The following PIBF1 variants were observed in gnomAD, a reference collection of about 807,000 sequenced individuals.
PIBF1 encodes the protein progesterone immunomodulatory binding factor 1.
In PIBF1, 90 loss-of-function variants were observed where a neutral mutation model predicts 112.5. The ratio of observed to expected loss-of-function variants is 0.80; its 90% confidence interval spans 0.67 to 0.95. PIBF1 has a LOEUF of 0.95. Ranked by LOEUF, PIBF1 falls within the 40% of genes least tolerant of loss-of-function variation. The pLI is 0.00. For synonymous variants in PIBF1, 301 were observed against 288.6 expected, an observed-to-expected ratio of 1.04 and a Z score of -0.44; for missense variants, 915 against 852.3, an observed-to-expected ratio of 1.07 and a Z score of -0.92.
rs538725499 is a variant in PIBF1 at position 72,948,791 on chromosome 13, G to A, written c.1834-16483G>A. 3.3e-5 allele frequency among the ~76,000 whole-genome samples: 5 copies of A among 152,302 alleles called. No individual in the cohort carries two copies. The South Asian group carries it at 1.0e-3, about 32-fold the overall frequency. On this transcript the variant is annotated intron_variant, in intron 14 of 17. Coordinates refer to ENST00000326291, the MANE Select transcript of PIBF1 (RefSeq NM_006346.4). ...GTCTTTCTTCACATGGCGGCAGCAA[G>A]GAGAAGTGCAGAACAAAGGGGGGAA... is the stretch of plus-strand genomic sequence containing the variant.
At chr13:72,825,610 G>C (rs1423375122) in intron 6 of PIBF1, among the ~76,000 whole-genome samples, 1 of 152,166 alleles carries the variant, frequency 6.6e-6, no homozygotes, top group African/African-American at 2.4e-5. Context: ...TTCAGGTTGT[G>C]GGGGTGGGTC....
intron 10 of PIBF1, among the ~76,000 whole-genome samples, chr13:72,886,713 T>A (rs951100347): frequency 6.6e-6 from 1 of 152,042 alleles, no homozygotes; most frequent in Non-Finnish European, 1.5e-5. Context: ...TATAAATCCA[T>A]GGTACAGTTG....
chr13:72,810,829 T>C (rs1277676748), intron 5 of PIBF1, among the ~76,000 whole-genome samples: 1 of 152,158 alleles, frequency 6.6e-6, no homozygotes, highest in African/African-American at 2.4e-5. Flanking sequence ...GGGTTCTATT[T>C]TGGTCTGAGG....
chr13:72,802,032 T>G (rs2035506441), intron 5 of PIBF1, among the ~76,000 whole-genome samples: 2 of 152,210 alleles, frequency 1.3e-5, no homozygotes, highest in South Asian at 4.1e-4. Flanking sequence ...GCTTTTATTG[T>G]AAGAATACAG....
chr13:72,796,260 T>C (rs1446137894), intron 4 of PIBF1, among the ~76,000 whole-genome samples: 1 of 152,078 alleles, frequency 6.6e-6, no homozygotes, highest in Non-Finnish European at 1.5e-5. Flanking sequence ...AAAAAAAATC[T>C]TAATAATTAC....
chr13:72,961,150 C>G (rs2042594478), intron 14 of PIBF1, among the ~76,000 whole-genome samples: 1 of 150,874 alleles, frequency 6.6e-6, no homozygotes, highest in Admixed American at 6.6e-5. Flanking sequence ...GAATAGTTCT[C>G]TATGTGCAAG....
intron 11 of PIBF1, among the ~76,000 whole-genome samples, chr13:72,897,763 T>C (rs1210286950): frequency 1.3e-5 from 2 of 152,114 alleles, no homozygotes; most frequent in African/African-American, 2.4e-5. Context: ...CAGGAAAATA[T>C]CACAATGGAC....
chr13:72,841,777 A>C lies in PIBF1; in HGVS notation c.1223+6409A>C, dbSNP rs550908205. ...ATGGAGTGAGACCCTGTCTCAAAAA[A>C]TAATAATAACTAACTAATAATACTT... On this transcript the variant is annotated intron_variant, in intron 9 of 17. Coordinates refer to ENST00000326291, the MANE Select transcript of PIBF1 (RefSeq NM_006346.4). Among the ~76,000 whole-genome samples the C allele has an allele frequency of 3.3e-5, 5 of 152,274 alleles. No individual in the cohort carries two copies. The South Asian group carries it at 1.0e-3, about 32-fold the overall frequency.
intron 15 of PIBF1, among the ~76,000 whole-genome samples, chr13:72,967,555 C>T (rs1036579293): frequency 5.3e-5 from 8 of 152,016 alleles, no homozygotes; most frequent in African/African-American, 1.4e-4. Flanking sequence ...ATTCTCCTAA[C>T]CATTAGGTTA....
intron 12 of PIBF1, among the ~76,000 whole-genome samples, chr13:72,913,723 C>G (rs1317488608): frequency 6.6e-6 from 1 of 151,500 alleles, no homozygotes; most frequent in Non-Finnish European, 1.5e-5. Context: ...GTTCACGCCA[C>G]TGCACTCCAG....
intron 2 of PIBF1, among the ~76,000 whole-genome samples, chr13:72,787,969 G>T (rs2034692348): frequency 6.6e-6 from 1 of 152,138 alleles, no homozygotes; most frequent in Non-Finnish European, 1.5e-5. Flanking sequence ...ACACTTTTTA[G>T]CCTGGGCAGG....
At chr13:72,901,720 A>G (rs2040493002) in intron 11 of PIBF1, among the ~76,000 whole-genome samples, 1 of 151,728 alleles carries the variant, frequency 6.6e-6, no homozygotes, top group Admixed American at 6.6e-5. Flanking sequence ...AGATGTTGGC[A>G]TGGATGCGGC....
Position 72,998,828 on chromosome 13 carries a change from G to A in PIBF1, c.2056G>A (p.Ala686Thr), listed in dbSNP as rs771170728. The A allele has an allele frequency of 3.0e-5, 49 of 1,609,862 alleles. No individual in the cohort carries two copies. The Admixed American group carries it at 7.4e-4, about 24-fold the overall frequency. Residue 686 changes from alanine (A) to threonine (T), a missense_variant, in exon 17 of 18, where the codon GCA becomes ACA. Physicochemically the swap from Ala to Thr is moderately conservative, Grantham distance 58. Coordinates refer to ENST00000326291, the MANE Select transcript of PIBF1 (RefSeq NM_006346.4). The stretch of plus-strand genomic sequence containing the variant: ...TGTTTTCATATATCAACAGGAATTG[G>A]CAGCAATGAAACAGATTCTCGTTAA... ...EQLLNHREEL[A>T]AMKQILVKMH...
intron 9 of PIBF1, among the ~76,000 whole-genome samples, chr13:72,841,931 T>C (rs377416464): frequency 1.3e-5 from 2 of 152,224 alleles, no homozygotes; most frequent in East Asian, 3.8e-4. Flanking sequence ...TTTTCATCTG[T>C]TATGTTGACA....
At chr13:72,929,126 TA>T (rs891518993) in intron 13 of PIBF1, among the ~76,000 whole-genome samples, 3 of 152,046 alleles carry the variant, frequency 2.0e-5, no homozygotes, top group Admixed American at 6.5e-5. Context: ...CACAAAAAGA[TA>T]AAAAAAAGTT....
chr13:72,986,866 T>A (rs1449002125), intron 16 of PIBF1, among the ~76,000 whole-genome samples: 3 of 151,854 alleles, frequency 2.0e-5, no homozygotes, highest in Non-Finnish European at 4.4e-5. Flanking sequence ...AATTTTTTTG[T>A]ATTTTTAGTA....
chr13:72,938,714 AT>A (rs1413193005), intron 14 of PIBF1, among the ~76,000 whole-genome samples: 1 of 152,168 alleles, frequency 6.6e-6, no homozygotes, highest in Non-Finnish European at 1.5e-5. Flanking sequence ...TGAAATGGTA[AT>A]TCTATGATTC....
chr13:72,810,698 C>G (rs559659125), intron 5 of PIBF1, among the ~76,000 whole-genome samples: 1 of 152,076 alleles, frequency 6.6e-6, no homozygotes, highest in Non-Finnish European at 1.5e-5. Context: ...TGATGATACC[C>G]ATCAGTTATA....
At chr13:72,955,280 T>A (rs1189158400) in intron 14 of PIBF1, among the ~76,000 whole-genome samples, 2 of 151,976 alleles carry the variant, frequency 1.3e-5, no homozygotes, top group African/African-American at 2.4e-5. Flanking sequence ...TGGGAAAAAA[T>A]TCAGTTAATA....
Sources: allele counts gnomAD v4.1 joint callset (sites outside exome capture counted in the v4.1 genomes callset), GRCh38; gene constraint gnomAD v4.1.1; transcripts MANE v1.5; gene names NCBI Gene and HGNC (gene_info 2026-07-23, HGNC 2026-07-21).